The following ASAP2 variants were observed in gnomAD, a reference collection of about 807,000 sequenced individuals.
ASAP2 encodes arf-GAP with SH3 domain, ANK repeat and PH domain-containing protein 2.
Under a neutral mutation model 131.4 loss-of-function variants are expected in ASAP2, and 45 were observed. That is an observed-to-expected ratio of 0.34 (90% CI 0.27 to 0.44). The LOEUF (loss-of-function observed/expected upper bound fraction) is 0.44. Ranked by LOEUF, ASAP2 falls within the 20% of genes least tolerant of loss-of-function variation. The pLI, the probability that ASAP2 is intolerant of heterozygous loss-of-function variation, is 1.00. For synonymous variants in ASAP2, 510 were observed against 503.0 expected (o/e 1.01, Z -0.19); for missense variants, 1,011 against 1,297.0 (o/e 0.78, Z 3.39).
intron 8 of ASAP2, 123 bp downstream of exon 8, chr2:9,334,936 T>C: frequency 1.5e-6 from 2 of 1,340,664 alleles, no homozygotes; most frequent in Admixed American, 1.8e-5. Context: ...AGTGTGGCGT[T>C]CCCACGCCTG....
At chr2:9,296,733 C>T (rs1386549405) in intron 2 of ASAP2, among the ~76,000 whole-genome samples, 1 of 152,146 alleles carries the variant, frequency 6.6e-6, no homozygotes, top group Non-Finnish European at 1.5e-5. Context: ...AGGGCAGAGT[C>T]ATGGAAGGCT....
chr2:9,353,441 C>T (rs1025391411), intron 12 of ASAP2, among the ~76,000 whole-genome samples: 2 of 152,090 alleles, frequency 1.3e-5, no homozygotes, highest in Non-Finnish European at 2.9e-5. Context: ...CCTTTGGTCC[C>T]AGCTACTCAG....
Position 9,226,636 on chromosome 2 carries a change from C to T in ASAP2, c.126+19406C>T, listed in dbSNP as rs568855156. Among the ~76,000 whole-genome samples, 5 of 152,366 alleles carry T rather than the reference C, an allele frequency of 3.3e-5. No individual in the cohort carries two copies. The South Asian group carries it at 8.3e-4, about 25-fold the overall frequency. ...GCCTCTGCACAAAGGTCCTTTCAGG[C>T]TGCCGTGGGGAGGACTGTCCTATGT... On this transcript the variant is annotated intron_variant, in intron 1 of 27. Coordinates refer to ENST00000281419, the MANE Select transcript of ASAP2 (RefSeq NM_003887.3).
intron 3 of ASAP2, among the ~76,000 whole-genome samples, chr2:9,308,437 G>A (rs1320777756): frequency 6.6e-6 from 1 of 152,198 alleles, no homozygotes; most frequent in Non-Finnish European, 1.5e-5. Context: ...CTCCAACACT[G>A]GGGACTGCAA....
chr2:9,226,086 T>C (rs1260639447), intron 1 of ASAP2, among the ~76,000 whole-genome samples: 1 of 152,218 alleles, frequency 6.6e-6, no homozygotes, highest in Non-Finnish European at 1.5e-5. Flanking sequence ...TGCTGCCTCA[T>C]GCGAGCTAGT....
At chr2:9,289,708 T>C (rs1458157985) in intron 2 of ASAP2, among the ~76,000 whole-genome samples, 1 of 152,132 alleles carries the variant, frequency 6.6e-6, no homozygotes, top group Admixed American at 6.5e-5. Context: ...AAGGATGGGA[T>C]CATTAATATA....
chr2:9,225,519 A>C (rs544112371), intron 1 of ASAP2, among the ~76,000 whole-genome samples: 3 of 152,196 alleles, frequency 2.0e-5, no homozygotes, highest in Admixed American at 6.5e-5. Context: ...CTCTGAGGTC[A>C]TGAGTAAGTC....
intron 9 of ASAP2, among the ~76,000 whole-genome samples, chr2:9,343,405 C>CCT (rs79114090): frequency 0.78 from 118,119 of 151,918 alleles, 46,794 homozygotes; most frequent in East Asian, 0.97. Context: ...GCACTGGTGG[C>CCT]CTCCTACTCT....
rs753145518 is a variant in ASAP2 at position 9,374,813 on chromosome 2, AAGC to A, written c.1617_1619del (p.Lys539_His540delinsAsn). ...CATCGAGAGGAGATACGCAAGGAAG[AAGC>A]ACGCGGATAACGCGGCGAAGCTTCA... On this transcript the variant is annotated inframe_deletion, in exon 17 of 28. Transcript: ENST00000281419. 6.2e-7 allele frequency: 1 copy of A among 1,613,366 alleles called. No individual in the cohort carries two copies. Among genetic ancestry groups the A allele is most frequent in the Non-Finnish European group, 8.5e-7 (1 of 1,179,804 alleles).
chr2:9,371,687 G>A (rs1304920130), intron 16 of ASAP2, among the ~76,000 whole-genome samples: 1 of 152,078 alleles, frequency 6.6e-6, no homozygotes, highest in Non-Finnish European at 1.5e-5. Context: ...TTGCTCACAG[G>A]AGCCAGAACT....
chr2:9,258,167 G>A (rs368375460), intron 1 of ASAP2, among the ~76,000 whole-genome samples: 28 of 150,706 alleles, frequency 1.9e-4, no homozygotes, highest in African/African-American at 6.8e-4. Context: ...AAATGCAGTG[G>A]AATTCTTCAT....
At chr2:9,290,922 G>A (rs1216088579) in intron 2 of ASAP2, among the ~76,000 whole-genome samples, 1 of 152,312 alleles carries the variant, frequency 6.6e-6, no homozygotes, top group African/African-American at 2.4e-5. Flanking sequence ...TTTATTGACT[G>A]CTAGCAAGTG....
intron 3 of ASAP2, among the ~76,000 whole-genome samples, chr2:9,305,375 G>T (rs866043724): frequency 7.2e-6 from 1 of 138,188 alleles, no homozygotes; most frequent in Non-Finnish European, 1.6e-5. Context: ...GAGCAGTGAG[G>T]TATAGATATT....
intron 3 of ASAP2, among the ~76,000 whole-genome samples, chr2:9,305,340 T>G (rs1668813049): frequency 1.6e-5 from 2 of 121,616 alleles, no homozygotes; most frequent in African/African-American, 3.2e-5. Context: ...GCTGTAGTAG[T>G]GGGGTATAGA....
intron 1 of ASAP2, among the ~76,000 whole-genome samples, chr2:9,218,736 A>T (rs961098143): frequency 6.6e-6 from 1 of 151,862 alleles, no homozygotes; most frequent in Non-Finnish European, 1.5e-5. Flanking sequence ...CCAGCTCTTG[A>T]CCTTCCATGT....
At chr2:9,397,745 TA>T (rs1479752099) in intron 24 of ASAP2, among the ~76,000 whole-genome samples, 2,539 of 90,618 alleles carry the variant, frequency 0.028, 56 homozygotes, top group African/African-American at 0.036. Context: ...TATATATATA[TA>T]TATATTTTTT....
At chr2:9,343,382 A>G (rs1671723643) in intron 9 of ASAP2, among the ~76,000 whole-genome samples, 1 of 137,724 alleles carries the variant, frequency 7.3e-6, no homozygotes, top group African/African-American at 2.9e-5. Context: ...GGGAAATAGA[A>G]TTTCCTGCAC....
At chr2:9,274,401 C>A (rs1194342820) in intron 1 of ASAP2, among the ~76,000 whole-genome samples, 1 of 146,338 alleles carries the variant, frequency 6.8e-6, no homozygotes, top group African/African-American at 2.5e-5. Flanking sequence ...CCGCTCACTG[C>A]AACCTTTGTC....
chr2:9,315,926 T>A (rs561550335), intron 3 of ASAP2, among the ~76,000 whole-genome samples: 90 of 152,316 alleles, frequency 5.9e-4, no homozygotes, highest in African/African-American at 2.0e-3. Flanking sequence ...ATTTCTGAAA[T>A]GACAGTCATT....
Sources: allele counts gnomAD v4.1 joint callset (sites outside exome capture counted in the v4.1 genomes callset), GRCh38; gene constraint gnomAD v4.1.1; transcripts MANE v1.5; gene names NCBI Gene and HGNC (gene_info 2026-07-23, HGNC 2026-07-21).